C4orf54: variants seen among roughly 807,000 people sequenced by gnomAD.
The protein encoded by C4orf54 is uncharacterized protein C4orf54.
Under a neutral mutation model 80.1 loss-of-function variants are expected in C4orf54, and 67 were observed. The observed-to-expected ratio is 0.84, with a 90% CI of 0.69 to 1.03. C4orf54 has a LOEUF of 1.03. C4orf54 is among the 50% of genes least tolerant of loss of function. The probability of loss-of-function intolerance (pLI) is 0.00; values close to 1 mark genes in which losing one functional copy is unlikely to be tolerated. For missense variants in C4orf54, 2,434 were observed against 2,253.5 expected, an observed-to-expected ratio of 1.08 and a Z score of -1.62; for synonymous variants, 1,000 against 917.0, an observed-to-expected ratio of 1.09 and a Z score of -1.64.
chr4:99,655,410 T>C (rs1439032509), intron 1 of C4orf54, among the ~76,000 whole-genome samples: 1 of 152,044 alleles, frequency 6.6e-6, no homozygotes, highest in Non-Finnish European at 1.5e-5. Flanking sequence ...ACAACAAACC[T>C]CCAATTAAAT....
Position 99,651,529 on chromosome 4 carries a change from G to C in C4orf54, c.3120C>G (p.Ser1040Arg), listed in dbSNP as rs1288177121. The C allele has an allele frequency of 3.3e-6, 5 of 1,536,150 alleles. No homozygotes were observed. Among genetic ancestry groups the C allele is most frequent in the Non-Finnish European group, 4.4e-6 (5 of 1,146,916 alleles). The change falls in exon 2 of 3, where the codon AGC becomes AGG. Residue 1040 changes from serine to arginine, a missense_variant. Coordinates refer to ENST00000511828, the MANE Select transcript of C4orf54 (RefSeq NM_001354435.2). ...KIRLGSVQQP[S>R]SDFNIAKLLT... The stretch of plus-strand genomic sequence containing the variant: ...GCAACTTGGCAATGTTGAAGTCTGA[G>C]CTCGGCTGCTGCACACTCCCCAGCC...
At chr4:99,656,064 A>T (rs1726973735) in intron 1 of C4orf54, among the ~76,000 whole-genome samples, 1 of 152,174 alleles carries the variant, frequency 6.6e-6, no homozygotes, top group Non-Finnish European at 1.5e-5. Context: ...TTCTGCCCAC[A>T]CCACTGCCAT....
At position 99,657,658 on chromosome 4, in the gene C4orf54, T is replaced by C. The variant is rs1727001843; in HGVS notation, c.-195A>G. Among the ~76,000 whole-genome samples the C allele has an allele frequency of 1.3e-5, 2 of 152,192 alleles. No homozygotes were observed. Among genetic ancestry groups the C allele is most frequent in the African/African-American group, 2.4e-5 (1 of 41,450 alleles). On this transcript the variant is annotated 5_prime_UTR_variant, in exon 1 of 3. Transcript: ENST00000511828. ...AACCATGTGAGCTGAAAATTTTGAA[T>C]AGAACAGACTCTATTAAAAGCAAAA...
At position 99,651,477 on chromosome 4, in the gene C4orf54, C is replaced by T. The variant is rs1167927018; in HGVS notation, c.3172G>A (p.Ala1058Thr). The change falls in exon 2 of 3, where the codon GCC becomes ACC. Residue 1058 changes from alanine to threonine, a missense_variant. Ala to Thr is a moderately conservative substitution (Grantham distance 58). Transcript: ENST00000511828. ...TCGATGGTCTTGAACAGGTTAGAGG[C>T]GCTGCCACCGGCCAGCTTGGGCGTG... ...LLTPKLAGGS[A>T]SNLFKTIEDN... is the part of the protein sequence containing the mutation. The T allele has an allele frequency of 6.5e-7, 1 of 1,536,198 alleles. No homozygotes were observed.
Position 99,649,216 on chromosome 4 carries a change from G to C in C4orf54, c.*36+15C>G, listed in dbSNP as rs967187847. 3 of 1,451,808 alleles carry C rather than the reference G, an allele frequency of 2.1e-6. No homozygotes were observed. Among genetic ancestry groups the C allele is most frequent in the Non-Finnish European group, 2.7e-6 (3 of 1,106,396 alleles). 89.9% of individuals were successfully genotyped at this position (1,451,808 alleles called of 1,614,324 possible). On this transcript the variant is annotated intron_variant, in intron 2 of 2. Coordinates refer to ENST00000511828, the MANE Select transcript of C4orf54 (RefSeq NM_001354435.2). ...TACTCTCTTAAACCTGATTATCAAA[G>C]TGAAATTCACTTACCAGCAGTTTTT...
chr4:99,650,958 T>C lies in C4orf54; in HGVS notation c.3691A>G (p.Thr1231Ala), dbSNP rs1643959238. 6.5e-7 allele frequency: 1 copy of C among 1,535,954 alleles called. No individual in the cohort carries two copies. The highest frequency in any genetic ancestry group is 1.4e-5 in the African/African-American group (1 of 72,998). Reference sequence around the variant, plus strand: ...TCCTCCTCCTTGAGCTTCTCTGGGGTCTTCTGGGTGGAAGCCTTGGAGACA... The same window carrying C: ...TCCTCCTCCTTGAGCTTCTCTGGGGCCTTCTGGGTGGAAGCCTTGGAGACA... ...KIVSKASTQK[T>A]PEKLKEEEVK... The change falls in exon 2 of 3, where the codon ACC becomes GCC. Residue 1231 changes from threonine to alanine, a missense_variant. By Grantham distance (58) the Thr-to-Ala change is moderately conservative. Transcript: ENST00000511828.
In C4orf54 at chr4:99,653,512, T is replaced by C. The variant is rs184879252; in HGVS notation, c.1137A>G (p.Glu379=). The change falls in exon 2 of 3, where the codon GAA becomes GAG. Residue 379 remains glutamate (E), a synonymous_variant. Coordinates refer to ENST00000511828, the MANE Select transcript of C4orf54 (RefSeq NM_001354435.2). ...TTHEIQLSEV[E]QDMDFDVGLA... ...GTCCCACGTCGAAATCCATGTCCTG[T>C]TCCACCTCACTCAGCTGGATCTCAT... 1.7e-4 allele frequency: 267 copies of C among 1,536,148 alleles called. No homozygotes were observed. In the Middle Eastern group the frequency reaches 2.0e-3, roughly 12 times the overall value.
At position 99,636,731 on chromosome 4, in the gene C4orf54, T is replaced by A. The variant is rs1328112639; in HGVS notation, c.*4502A>T. ...GCACTGAAAATGTGATTCTCAGAGC[T>A]GTCGAGATTCAAAGTTTCCTTGGCT... is the stretch of plus-strand genomic sequence containing the variant. On this transcript the variant is annotated 3_prime_UTR_variant, in exon 3 of 3. Transcript: ENST00000511828. The A allele has an allele frequency of 6.6e-6, 1 of 152,190 alleles. No homozygotes were observed. The highest frequency in any genetic ancestry group is 1.5e-5 in the Non-Finnish European group (1 of 68,034). 9.4% of individuals were successfully genotyped at this position (152,190 alleles called of 1,614,324 possible). A position where few individuals can be genotyped will look rare whatever the true frequency, so the allele number is the denominator to read the frequency against.
chr4:99,652,038 C>A lies in C4orf54; in HGVS notation c.2611G>T (p.Glu871Ter), dbSNP rs1473849682. Residue 871 changes from glutamate (E) to a stop codon, truncating the protein, a stop_gained, in exon 2 of 3, where the codon GAG (glutamate) becomes TAG (stop). Coordinates refer to ENST00000511828, the MANE Select transcript of C4orf54 (RefSeq NM_001354435.2). LOFTEE classifies it high-confidence loss of function. ...GLQRQSSRHS[E>*]AGSEYTVVSM... Reference sequence around the variant, plus strand: ...ACCACTGTGTACTCGGAGCCGGCCTCGGAGTGACGAGAGCTCTGCCTCTGC... The same window carrying A: ...ACCACTGTGTACTCGGAGCCGGCCTAGGAGTGACGAGAGCTCTGCCTCTGC... 1 of 1,536,150 alleles carries A rather than the reference C, an allele frequency of 6.5e-7. No homozygotes were observed. The highest frequency in any genetic ancestry group is 1.2e-5 in the South Asian group (1 of 84,066).
At chr4:99,646,952 A>T (rs1054832681) in intron 2 of C4orf54, among the ~76,000 whole-genome samples, 2 of 152,166 alleles carry the variant, frequency 1.3e-5, no homozygotes, top group African/African-American at 4.8e-5. Context: ...GTTTTGAAAA[A>T]TTTTTAATTC....
Position 99,651,321 on chromosome 4 carries a change from T to A in C4orf54, c.3328A>T (p.Lys1110Ter). ...GPLHQVRDVRKLIKGSGDSSD... is the reference protein window; with the variant it reads ...GPLHQVRDVR ...CTATCCCCTGACCCTTTAATTAGTT[T>A]CCTGACATCTCTCACCTGGTGGAGG... is the stretch of plus-strand genomic sequence containing the variant. Residue 1110 changes from lysine to a stop codon, truncating the protein, a stop_gained, in exon 2 of 3, where the codon AAA becomes TAA. Coordinates refer to ENST00000511828, the MANE Select transcript of C4orf54 (RefSeq NM_001354435.2). LOFTEE classifies it high-confidence loss of function. 1 of 1,536,160 alleles carries A rather than the reference T, an allele frequency of 6.5e-7. No individual in the cohort carries two copies. Among genetic ancestry groups the A allele is most frequent in the Non-Finnish European group, 8.7e-7 (1 of 1,146,914 alleles).
Position 99,649,605 on chromosome 4 carries a change from A to G in C4orf54, c.5044T>C (p.Phe1682Leu). Residue 1682 changes from phenylalanine to leucine, a missense_variant, in exon 2 of 3, where the codon TTT becomes CTT. Transcript: ENST00000511828. ...TTGGTGGGCAGCACGGTAGGCAGAA[A>G]CCCAGGGTAAATCATGTAGGTGGGT... ...YGPTYMIYPG[F>L]LPTVLPTNAL... 1.3e-6 allele frequency: 2 copies of G among 1,536,132 alleles called. No individual in the cohort carries two copies. Among genetic ancestry groups the G allele is most frequent in the South Asian group, 2.4e-5 (2 of 84,060 alleles).
chr4:99,654,081 G>C lies in C4orf54; in HGVS notation c.568C>G (p.Arg190Gly). 6.5e-7 allele frequency: 1 copy of C among 1,536,134 alleles called. No individual in the cohort carries two copies. Among genetic ancestry groups the C allele is most frequent in the Non-Finnish European group, 8.7e-7 (1 of 1,146,920 alleles). ...PLPKPSASSQ[R>G]EAKYVDMCAS... Reference sequence around the variant, plus strand: ...CACATGTCCACATATTTCGCTTCTCGCTGGGAGGAGGCTGAAGGCTTGGGA... The same window carrying C: ...CACATGTCCACATATTTCGCTTCTCCCTGGGAGGAGGCTGAAGGCTTGGGA... Residue 190 changes from arginine to glycine, a missense_variant, in exon 2 of 3, where the codon CGA (arginine) becomes GGA (glycine). Transcript: ENST00000511828.
chr4:99,654,325 G>T lies in C4orf54; in HGVS notation c.324C>A (p.Thr108=). Residue 108 remains threonine (T), a synonymous_variant, in exon 2 of 3, where the codon ACC becomes ACA. Transcript: ENST00000511828. ...TALGPVQIRG[T]LLRATLQPLR... ...GGGGCTGCAGAGTTGCCCGAAGCAG[G>T]GTCCCACGTATCTGGACTGGCCCCA... 3.4e-6 allele frequency: 5 copies of T among 1,463,672 alleles called. No individual in the cohort carries two copies. The highest frequency in any genetic ancestry group is 4.6e-6 in the Non-Finnish European group (5 of 1,080,966). The allele number at this position is 1,463,672 out of a possible 1,614,324, so 90.7% of individuals were successfully genotyped here. A position where few individuals can be genotyped will look rare whatever the true frequency, so the allele number is the denominator to read the frequency against.
At chr4:99,657,251 T>A (rs1726992247) in intron 1 of C4orf54, among the ~76,000 whole-genome samples, 1 of 152,236 alleles carries the variant, frequency 6.6e-6, no homozygotes, top group Non-Finnish European at 1.5e-5. Flanking sequence ...AAGGAGGAAT[T>A]TTCCAGCACT....
Position 99,652,842 on chromosome 4 carries a change from C to G in C4orf54, c.1807G>C (p.Val603Leu). 1 of 1,536,120 alleles carries G rather than the reference C, an allele frequency of 6.5e-7. No homozygotes were observed. The highest frequency in any genetic ancestry group is 8.7e-7 in the Non-Finnish European group (1 of 1,146,910). The change falls in exon 2 of 3, where the codon GTG becomes CTG. Residue 603 changes from valine to leucine, a missense_variant. Transcript: ENST00000511828. ...CTGGAGGCTCCGCTGGAGTAGTCCA[C>G]CAGCTCCTTCGCCCGGATGGCCCCG... ...RCGAIRAKEL[V>L]DYSSGASSAV...
Position 99,653,183 on chromosome 4 carries a change from G to C in C4orf54, c.1466C>G (p.Pro489Arg), listed in dbSNP as rs1726891476. Residue 489 changes from proline to arginine, a missense_variant, in exon 2 of 3, where the codon CCC becomes CGC. Pro to Arg is a moderately radical substitution (Grantham distance 103, BLOSUM62 -2). Transcript: ENST00000511828. ...GGTCTCAGGCAAGGGCTCAGTCAGG[G>C]GGGCAGTGCCAGGCCCAGTGGGTGG... is the stretch of plus-strand genomic sequence containing the variant. The part of the protein sequence containing the change: ...TPPPTGPGTA[P>R]LTEPLPETPE... 3.9e-6 allele frequency: 6 copies of C among 1,536,032 alleles called. No individual in the cohort carries two copies. The highest frequency in any genetic ancestry group is 5.2e-6 in the Non-Finnish European group (6 of 1,146,842).
rs1726947053 is a variant in C4orf54 at position 99,654,523 on chromosome 4, G to A, written c.126C>T (p.Leu42=). Residue 42 remains leucine, a synonymous_variant, in exon 2 of 3, where the codon CTC becomes CTT. Transcript: ENST00000511828. ...RCQANNWTGQ[L]SYRTLATVSA... ...AGACTGTGGCCAGTGTTCTGTAGCTGAGCTGTCCTGTCCAGTTGTTTGCCT... is the reference window on the plus strand; with the variant it reads ...AGACTGTGGCCAGTGTTCTGTAGCTAAGCTGTCCTGTCCAGTTGTTTGCCT... The A allele has an allele frequency of 1.0e-5, 7 of 703,334 alleles. No individual in the cohort carries two copies. The East Asian group carries it at 1.9e-4, about 19-fold the overall frequency. The allele number at this position is 703,334 out of a possible 1,614,324, so 43.6% of individuals were successfully genotyped here.
chr4:99,651,454 G>A lies in C4orf54; in HGVS notation c.3195C>T (p.Ile1065=), dbSNP rs935621772. 48 of 1,536,158 alleles carry A rather than the reference G, an allele frequency of 3.1e-5. No homozygotes were observed. The highest frequency in any genetic ancestry group is 3.9e-5 in the Non-Finnish European group (45 of 1,146,926). ...GGSASNLFKT[I]EDNSRAQQKL... The stretch of plus-strand genomic sequence containing the variant: ...TCTGCTGTGCCCTGCTGTTGTCCTC[G>A]ATGGTCTTGAACAGGTTAGAGGCGC... The change falls in exon 2 of 3, where the codon ATC becomes ATT. Residue 1065 remains isoleucine, a synonymous_variant. Transcript: ENST00000511828.
Sources: allele counts gnomAD v4.1 joint callset (sites outside exome capture counted in the v4.1 genomes callset), GRCh38; gene constraint gnomAD v4.1.1; transcripts MANE v1.5; gene names NCBI Gene and HGNC (gene_info 2026-07-23, HGNC 2026-07-21).